DUXB: variants seen among roughly 807,000 people sequenced by gnomAD.
The protein encoded by DUXB is double homeobox protein B.
A neutral mutation model predicts 8.9 loss-of-function variants in DUXB; 22 were observed. That is an observed-to-expected ratio of 2.46 (90% confidence interval 1.76 to 3.52). The LOEUF is 3.52. DUXB is among the 30% of genes most tolerant of loss of function. The pLI is 0.00. For missense variants in DUXB, 237 were observed against 108.7 expected (o/e 2.18, Z -5.25); for synonymous variants, 84 against 37.6 (o/e 2.23, Z -4.52).
intron 2 of DUXB, chr16:75,698,418 G>C (rs1450769394): frequency 2.0e-5 from 3 of 152,262 alleles, no homozygotes; most frequent in African/African-American, 7.2e-5. Flanking sequence ...GCAAAACCCA[G>C]AACTCATTAT....
At chr16:75,698,618 G>A (rs1959196061) in intron 2 of DUXB, 1 of 152,114 alleles carries the variant, frequency 6.6e-6, no homozygotes, top group South Asian at 2.1e-4. Flanking sequence ...TGAGAGTTTT[G>A]ATCTGCTTTG....
Position 75,694,420 on chromosome 16 carries a change from A to G in DUXB, c.547T>C (p.Trp183Arg). Residue 183 changes from tryptophan (W) to arginine (R), a missense_variant, in exon 5 of 5, where the codon TGG becomes CGG. Trp to Arg is a moderately radical substitution (Grantham distance 101). Transcript: ENST00000633875. Reference sequence around the variant, plus strand: ...GGGAGGAACAGGTTGATTGGATGCCACCCAACAGTTGCATCTGGTCTCTCA... The same window carrying G: ...GGGAGGAACAGGTTGATTGGATGCCGCCCAACAGTTGCATCTGGTCTCTCA... ...PNERPDATVG[W>R]HPINLFLPTD... is the part of the protein sequence containing the mutation. 1.4e-6 allele frequency: 1 copy of G among 701,172 alleles called. No individual in the cohort carries two copies. The allele number at this position is 701,172 out of a possible 1,614,324, so 43.4% of individuals were successfully genotyped here.
At chr16:75,700,947 A>G (rs558707377) in intron 1 of DUXB, among the ~76,000 whole-genome samples, 45 of 152,340 alleles carry the variant, frequency 3.0e-4, no homozygotes, top group African/African-American at 1.0e-3. Flanking sequence ...CGGAAAATGT[A>G]CAAAATTACC....
intron 4 of DUXB, among the ~76,000 whole-genome samples, chr16:75,694,954 G>A (rs1432940182): frequency 1.3e-5 from 2 of 152,132 alleles, no homozygotes; most frequent in Non-Finnish European, 2.9e-5. Flanking sequence ...ATCCCTCATG[G>A]ATACTGAGGG....
rs1487424400 is a variant in DUXB, at chr16:75,694,172, C to T, written c.795G>A (p.Leu265=). ...IPNHLLTLPI[L]TKDLDTPTPF... ...GAGTCGGAGTATCTAAGTCCTTTGT[C>T]AGAATTGGCAGTGTCAGGAGGTGAT... Residue 265 remains leucine (L), a synonymous_variant, in exon 5 of 5, where the codon CTG becomes CTA. Transcript: ENST00000633875. The T allele has an allele frequency of 4.3e-6, 2 of 468,652 alleles. No individual in the cohort carries two copies. Among genetic ancestry groups the T allele is most frequent in the Admixed American group, 7.9e-5 (2 of 25,316 alleles). The allele number at this position is 468,652 out of a possible 1,614,324, so 29.0% of individuals were successfully genotyped here. A position where few individuals can be genotyped will look rare whatever the true frequency, so the allele number is the denominator to read the frequency against.
intron 1 of DUXB, 107 bp from the exon 2 acceptor site, chr16:75,700,276 C>A (rs1180875504): frequency 1.7e-6 from 1 of 574,492 alleles, no homozygotes; most frequent in Non-Finnish European, 3.1e-6. Flanking sequence ...ACTCTGTCGC[C>A]CAGATTGGAG....
At chr16:75,695,896 A>C in intron 4 of DUXB, 65 bp downstream of exon 4, 1 of 682,876 alleles carries the variant, frequency 1.5e-6, no homozygotes, top group Non-Finnish European at 2.7e-6. Context: ...TAAGTTTTTC[A>C]ATAACACCTC....
chr16:75,695,370 TGACTAAC>T (rs2082597404), intron 4 of DUXB, among the ~76,000 whole-genome samples: 1 of 152,268 alleles, frequency 6.6e-6, no homozygotes, highest in Non-Finnish European at 1.5e-5. Context: ...ATCTGATTAA[TGACTAAC>T]AAACACAAAT....
intron 4 of DUXB, among the ~76,000 whole-genome samples, chr16:75,695,678 G>T (rs553268066): frequency 6.6e-6 from 1 of 152,260 alleles, no homozygotes; most frequent in Non-Finnish European, 1.5e-5. Flanking sequence ...TCACAAGAAA[G>T]AATTATCTGA....
chr16:75,697,416 C>T (rs2151833192), intron 2 of DUXB, among the ~76,000 whole-genome samples: 1 of 152,316 alleles, frequency 6.6e-6, no homozygotes, highest in East Asian at 1.9e-4. Flanking sequence ...GTTGGACTAA[C>T]ACTTATCAGT....
At chr16:75,696,791 A>C (rs2082611078) in intron 3 of DUXB, 47 bp downstream of exon 3, 3 of 681,134 alleles carry the variant, frequency 4.4e-6, no homozygotes, top group Non-Finnish European at 8.0e-6. Context: ...GTTGATGCAG[A>C]ATTTGGGCAC....
intron 4 of DUXB, among the ~76,000 whole-genome samples, chr16:75,695,039 T>C (rs1354994467): frequency 2.0e-5 from 3 of 152,230 alleles, no homozygotes; most frequent in Non-Finnish European, 4.4e-5. Context: ...TTCTTTTTTA[T>C]GTGAGTTTGA....
chr16:75,695,838 C>T (rs1306876620), intron 4 of DUXB, 123 bp downstream of exon 4: 21 of 613,536 alleles, frequency 3.4e-5, no homozygotes, highest in Non-Finnish European at 5.5e-5. Flanking sequence ...CAGGCGTTTA[C>T]CATCCCCCGT....
At chr16:75,695,938 G>A in intron 4 of DUXB, 23 bp downstream of exon 4, 2 of 702,770 alleles carry the variant, frequency 2.8e-6, no homozygotes, top group Non-Finnish European at 5.2e-6. Flanking sequence ...GGACATAGTT[G>A]GGATCACACA....
chr16:75,697,199 T>A (rs1006879712), intron 2 of DUXB, among the ~76,000 whole-genome samples: 1 of 152,162 alleles, frequency 6.6e-6, no homozygotes, highest in African/African-American at 2.4e-5. Context: ...TTTGTTTGAT[T>A]TAGGAGACCC....
intron 3 of DUXB, among the ~76,000 whole-genome samples, chr16:75,696,339 G>T (rs554083134): frequency 2.6e-5 from 4 of 152,190 alleles, no homozygotes; most frequent in African/African-American, 9.7e-5. Flanking sequence ...ATCACTTGAG[G>T]TTGGGAGTTC....
chr16:75,698,600 G>C (rs953451540), intron 2 of DUXB: 1 of 152,084 alleles, frequency 6.6e-6, no homozygotes, highest in Non-Finnish European at 1.5e-5. Context: ...TCCCACTACT[G>C]GTCAGCATGA....
chr16:75,700,314 G>A (rs969698475), intron 1 of DUXB, 145 bp from the exon 2 acceptor site: 4 of 509,052 alleles, frequency 7.9e-6, no homozygotes, highest in Non-Finnish European at 1.4e-5. Context: ...GGGTCAATGC[G>A]ACCTCCGCTC....
intron 1 of DUXB, among the ~76,000 whole-genome samples, chr16:75,700,938 G>A (rs984540574): frequency 4.6e-5 from 7 of 152,054 alleles, no homozygotes; most frequent in Non-Finnish European, 7.4e-5. Flanking sequence ...GAGAACTTAC[G>A]GAAAATGTAC....
Sources: allele counts gnomAD v4.1 joint callset (sites outside exome capture counted in the v4.1 genomes callset), GRCh38; gene constraint gnomAD v4.1.1; transcripts MANE v1.5; gene names NCBI Gene and HGNC (gene_info 2026-07-23, HGNC 2026-07-21).